TENM4: variants seen among roughly 807,000 people sequenced by gnomAD.
TENM4 encodes the protein teneurin transmembrane protein 4.
In TENM4, 82 loss-of-function variants were observed where a neutral mutation model predicts 243.3. The ratio of observed to expected loss-of-function variants is 0.34; its 90% CI spans 0.28 to 0.40. The LOEUF is 0.40. TENM4 is among the 10% of genes least tolerant of loss of function. The pLI, the probability that TENM4 is intolerant of heterozygous loss-of-function variation, is 1.00. For missense variants in TENM4, 3,138 were observed against 3,673.3 expected (o/e 0.85, Z 3.77); for synonymous variants, 1,412 against 1,456.3 (o/e 0.97, Z 0.69).
chr11:79,207,385 A>G (rs1047697587), intron 3 of TENM4, among the ~76,000 whole-genome samples: 5 of 152,226 alleles, frequency 3.3e-5, no homozygotes, highest in African/African-American at 1.2e-4. Flanking sequence ...GTATTATCTT[A>G]TTTGACCCTA....
chr11:79,079,854 A>G (rs1302835692), intron 4 of TENM4, among the ~76,000 whole-genome samples: 3 of 151,240 alleles, frequency 2.0e-5, no homozygotes, highest in Non-Finnish European at 4.4e-5. Flanking sequence ...AAAAAAGAAG[A>G]AAGAAAATGT....
intron 28 of TENM4, among the ~76,000 whole-genome samples, chr11:78,698,908 G>A (rs964967071): frequency 6.6e-6 from 1 of 152,126 alleles, no homozygotes; most frequent in Non-Finnish European, 1.5e-5. Context: ...TTTTCCAGCC[G>A]ACTTTGGATA....
At chr11:79,046,420 C>A (rs1029192699) in intron 6 of TENM4, among the ~76,000 whole-genome samples, 4 of 151,974 alleles carry the variant, frequency 2.6e-5, no homozygotes, top group African/African-American at 9.7e-5. Flanking sequence ...ATGGGGTGTG[C>A]TTGGCATCTG....
chr11:78,946,896 G>A (rs796777780), intron 6 of TENM4, among the ~76,000 whole-genome samples: 18 of 152,352 alleles, frequency 1.2e-4, no homozygotes, highest in African/African-American at 3.8e-4. Flanking sequence ...TGGATGAGGA[G>A]TTGCTTCTTA....
intron 3 of TENM4, among the ~76,000 whole-genome samples, chr11:79,204,433 C>T (rs1863808226): frequency 6.6e-6 from 1 of 152,162 alleles, no homozygotes; most frequent in Admixed American, 6.5e-5. Context: ...GGCCTGGGCA[C>T]CTATCTCTGG....
chr11:78,854,247 G>C lies in TENM4; in HGVS notation c.1538C>G (p.Thr513Ser). The change falls in exon 12 of 34, where the codon ACC becomes AGC. Residue 513 changes from threonine (T) to serine (S), a missense_variant. Thr to Ser is a moderately conservative substitution (Grantham distance 58). Transcript: ENST00000278550. ...LTQEARSLEG[T>S]PRQSRGTVPP... ...CACAGTTCCCCGAGACTGGCGCGGG[G>C]TCCCCTCTAGGCTCCGCGCCTCCTG... 6.4e-7 allele frequency: 1 copy of C among 1,551,032 alleles called. No homozygotes were observed. The highest frequency in any genetic ancestry group is 8.7e-7 in the Non-Finnish European group (1 of 1,146,676).
intron 2 of TENM4, among the ~76,000 whole-genome samples, chr11:79,296,704 C>T (rs888494917): frequency 2.0e-4 from 31 of 152,306 alleles, no homozygotes; most frequent in African/African-American, 7.5e-4. Flanking sequence ...TAGCTCTAAC[C>T]CTTACTCAAG....
At chr11:78,908,796 C>T (rs535163604) in intron 6 of TENM4, among the ~76,000 whole-genome samples, 123 of 152,324 alleles carry the variant, frequency 8.1e-4, no homozygotes, top group Middle Eastern at 3.4e-3. Context: ...AAATCCATAC[C>T]TCTCTGCCCT....
At chr11:79,195,273 C>A (rs1396909533) in intron 3 of TENM4, among the ~76,000 whole-genome samples, 1 of 152,186 alleles carries the variant, frequency 6.6e-6, no homozygotes, top group Non-Finnish European at 1.5e-5. Flanking sequence ...GAGGTCAGAG[C>A]CCCCATAGAG....
intron 2 of TENM4, among the ~76,000 whole-genome samples, chr11:79,282,517 C>T (rs1267834684): frequency 6.6e-6 from 1 of 152,222 alleles, no homozygotes. Flanking sequence ...CAATCTCATA[C>T]TCTTGCTTCT....
At chr11:78,960,475 C>T (rs1324391672) in intron 6 of TENM4, among the ~76,000 whole-genome samples, 1 of 152,150 alleles carries the variant, frequency 6.6e-6, no homozygotes, top group Non-Finnish European at 1.5e-5. Flanking sequence ...GCTCAGGTGA[C>T]TTTCACCACA....
At chr11:79,244,967 G>C (rs1458779166) in intron 2 of TENM4, among the ~76,000 whole-genome samples, 1 of 152,154 alleles carries the variant, frequency 6.6e-6, no homozygotes, top group African/African-American at 2.4e-5. Flanking sequence ...AGGAAGTAAG[G>C]ATTTAGAGGT....
At chr11:78,850,166 C>T (rs1454764424) in intron 12 of TENM4, among the ~76,000 whole-genome samples, 1 of 151,856 alleles carries the variant, frequency 6.6e-6, no homozygotes, top group Non-Finnish European at 1.5e-5. Context: ...TTGTAAAGTG[C>T]TTTTAGATTT....
At chr11:78,765,553 T>C (rs1051842796) in intron 18 of TENM4, among the ~76,000 whole-genome samples, 1 of 152,226 alleles carries the variant, frequency 6.6e-6, no homozygotes, top group Non-Finnish European at 1.5e-5. Flanking sequence ...GAGATTATCA[T>C]ACCTTGAAGC....
intron 2 of TENM4, chr11:79,221,013 C>T (rs530465789): frequency 3.9e-5 from 6 of 152,322 alleles, no homozygotes; most frequent in Admixed American, 1.3e-4. Context: ...GGTTTCTAAT[C>T]CAAGCCGATT....
intron 4 of TENM4, among the ~76,000 whole-genome samples, chr11:79,105,300 C>T (rs1861339368): frequency 6.6e-6 from 1 of 152,218 alleles, no homozygotes. Context: ...AACTTCCCAT[C>T]ACCTGTGTGC....
At position 78,701,687 on chromosome 11, in the gene TENM4, C is replaced by T. The variant is rs138817202; in HGVS notation, c.4926G>A (p.Leu1642=). 4.4e-4 allele frequency: 713 copies of T among 1,613,950 alleles called. No homozygotes were observed. The African/African-American group carries it at 8.7e-3, about 20-fold the overall frequency. Residue 1642 remains leucine, a synonymous_variant, in exon 28 of 34, where the codon CTG becomes CTA. Transcript: ENST00000278550. ...AGTACACCTGGCCATCTGGGACCAC[C>T]AGCCAGAGGGGCATCCCAGTAGAGT... The part of the protein sequence containing the change: ...RRDSTGMPLW[L]VVPDGQVYWV...
At chr11:78,799,344 C>T (rs550694162) in intron 15 of TENM4, among the ~76,000 whole-genome samples, 4 of 152,288 alleles carry the variant, frequency 2.6e-5, no homozygotes, top group Admixed American at 6.5e-5. Flanking sequence ...AAGGAAACTG[C>T]GCCTCTGAGA....
At chr11:78,675,362 T>C (rs1858441551) in intron 30 of TENM4, among the ~76,000 whole-genome samples, 1 of 152,252 alleles carries the variant, frequency 6.6e-6, no homozygotes, top group Admixed American at 6.5e-5. Context: ...AGCTCAGTTC[T>C]GTAGTTTGTT....
Sources: allele counts gnomAD v4.1 joint callset (sites outside exome capture counted in the v4.1 genomes callset), GRCh38; gene constraint gnomAD v4.1.1; transcripts MANE v1.5; gene names NCBI Gene and HGNC (gene_info 2026-07-23, HGNC 2026-07-21).